The following PCDH15 variants were observed in gnomAD, a reference collection of about 807,000 sequenced individuals.
PCDH15 encodes protocadherin-15.
Under a neutral mutation model 178.5 loss-of-function variants are expected in PCDH15, and 129 were observed. The observed-to-expected ratio is 0.72, with a 90% CI of 0.63 to 0.84. The LOEUF (loss-of-function observed/expected upper bound fraction) is 0.84. Among genes scored for constraint, PCDH15 ranks in the 40% least tolerant of loss-of-function variants. The probability of loss-of-function intolerance (pLI) is 0.00; values close to 1 mark genes in which losing one functional copy is unlikely to be tolerated. For missense variants in PCDH15, 2,230 were observed against 2,099.9 expected (o/e 1.06, Z -1.21); for synonymous variants, 800 against 732.0 (o/e 1.09, Z -1.50).
intron 3 of PCDH15, among the ~76,000 whole-genome samples, chr10:54,881,742 T>C (rs1954266108): frequency 6.6e-6 from 1 of 152,122 alleles, no homozygotes; most frequent in South Asian, 2.1e-4. Flanking sequence ...AAAGATTACA[T>C]TGAATTAGAT....
At chr10:55,526,334 G>A (rs952708539) in intron 2 of PCDH15, among the ~76,000 whole-genome samples, 2 of 151,920 alleles carry the variant, frequency 1.3e-5, no homozygotes, top group Admixed American at 6.6e-5. Flanking sequence ...AACAGGATAT[G>A]CTTGATAAAT....
rs561820646 is a variant in PCDH15, at chr10:54,111,658, T to G, written c.1917+21217A>C. On this transcript the variant is annotated intron_variant, in intron 15 of 37. Coordinates refer to ENST00000644397, the MANE Select transcript of PCDH15 (RefSeq NM_001384140.1). ...ACATGCAGTATCAGTTGATTATCAC[T>G]TAGGAAACTGGAAAGAGTGTTTCTT... 3.9e-5 allele frequency among the ~76,000 whole-genome samples: 6 copies of G among 152,246 alleles called. No individual in the cohort carries two copies. The South Asian group carries it at 1.0e-3, about 26-fold the overall frequency.
chr10:53,989,710 C>T (rs920501635), intron 21 of PCDH15, among the ~76,000 whole-genome samples: 3 of 152,026 alleles, frequency 2.0e-5, no homozygotes, highest in African/African-American at 7.3e-5. Context: ...GTGTATATTC[C>T]CTCCTCATGC....
intron 1 of PCDH15, among the ~76,000 whole-genome samples, chr10:54,721,868 A>T (rs1591280556): frequency 6.6e-6 from 1 of 151,992 alleles, no homozygotes; most frequent in South Asian, 2.1e-4. Flanking sequence ...CTCTCTTTTA[A>T]CAAAAGTGGT....
intron 2 of PCDH15, among the ~76,000 whole-genome samples, chr10:55,385,698 T>TATATATATATATATATATATATATGC (rs1487726564): frequency 7.0e-6 from 1 of 143,502 alleles, no homozygotes; most frequent in Non-Finnish European, 1.5e-5. Flanking sequence ...TCTGCCTATA[T>TATATATATATATATATATATATATGC]ATATATATAT....
At position 54,782,871 on chromosome 10, in the gene PCDH15, G is replaced by A. The variant is rs534132363; in HGVS notation, c.-29+18054C>T. On this transcript the variant is annotated intron_variant, in intron 1 of 37. Coordinates refer to ENST00000644397, the MANE Select transcript of PCDH15 (RefSeq NM_001384140.1). ...CAAGACACTCACCCATACCACTGAT[G>A]TTAATTGAAGTCAGAGAAATCACAT... is the stretch of plus-strand genomic sequence containing the variant. Among the ~76,000 whole-genome samples, 11 of 152,162 alleles carry A rather than the reference G, an allele frequency of 7.2e-5. No individual in the cohort carries two copies. The East Asian group carries it at 1.9e-3, about 27-fold the overall frequency.
At chr10:55,187,917 A>G (rs1397497962) in intron 1 of PCDH15, among the ~76,000 whole-genome samples, 3 of 151,904 alleles carry the variant, frequency 2.0e-5, no homozygotes, top group Non-Finnish European at 4.4e-5. Flanking sequence ...TGACTACTTT[A>G]ATATTAGTGT....
chr10:53,806,777 AG>A lies in PCDH15; in HGVS notation c.5024del (p.Pro1675LeufsTer11). ...NARPTLVTFA[P>X]CPVGTDNTAV... ...CTGTATTGTCAGTCCCCACAGGGCA[AG>A]GGGCAAATGTAACCAGAGTTGGTCT... On this transcript the variant is annotated frameshift_variant, in exon 38 of 38. Transcript: ENST00000644397. LOFTEE classifies it high-confidence loss of function. 1 of 1,613,880 alleles carries A rather than the reference AG, an allele frequency of 6.2e-7. No homozygotes were observed. Among genetic ancestry groups the A allele is most frequent in the South Asian group, 1.1e-5 (1 of 91,080 alleles).
At chr10:54,517,015 G>T (rs2082301229) in intron 3 of PCDH15, among the ~76,000 whole-genome samples, 1 of 152,044 alleles carries the variant, frequency 6.6e-6, no homozygotes, top group Non-Finnish European at 1.5e-5. Flanking sequence ...AATGCTGAGA[G>T]ATTTTGTCAC....
intron 22 of PCDH15, among the ~76,000 whole-genome samples, chr10:53,961,414 G>A (rs1256830946): frequency 6.6e-6 from 1 of 151,908 alleles, no homozygotes; most frequent in Non-Finnish European, 1.5e-5. Context: ...TAGTATTAAT[G>A]TCACTTATTG....
At chr10:54,091,852 T>C (rs1469155228) in intron 15 of PCDH15, among the ~76,000 whole-genome samples, 1 of 152,148 alleles carries the variant, frequency 6.6e-6, no homozygotes, top group African/African-American at 2.4e-5. Flanking sequence ...GTCCTTGAAC[T>C]TCACTTATTT....
chr10:53,924,236 G>T (rs951256267), intron 25 of PCDH15, among the ~76,000 whole-genome samples: 1 of 152,228 alleles, frequency 6.6e-6, no homozygotes, highest in Admixed American at 6.5e-5. Context: ...GCCAGCGTGA[G>T]TTCCGGTGGG....
chr10:54,430,351 G>A (rs1019159368), intron 3 of PCDH15, among the ~76,000 whole-genome samples: 3 of 151,832 alleles, frequency 2.0e-5, no homozygotes, highest in Admixed American at 1.3e-4. Flanking sequence ...CACCACACCC[G>A]GCCAAAATAC....
At position 55,398,455 on chromosome 10, in the gene PCDH15, G is replaced by A. The variant is rs146305830; in HGVS notation, c.-156+229170C>T. Among the ~76,000 whole-genome samples, 3 of 152,064 alleles carry A rather than the reference G, an allele frequency of 2.0e-5. No individual in the cohort carries two copies. The East Asian group carries it at 5.8e-4, about 29-fold the overall frequency. ...AAGTATTAAGTTCTATGAGGATGAG[G>A]CATTTTCATATCCTGTTGCTAGTTG... On this transcript the variant is annotated intron_variant, in intron 2 of 5. Transcript: ENST00000613346.
At chr10:53,982,020 G>T (rs896525204) in intron 21 of PCDH15, among the ~76,000 whole-genome samples, 1 of 152,162 alleles carries the variant, frequency 6.6e-6, no homozygotes, top group African/African-American at 2.4e-5. Flanking sequence ...GATATGAACA[G>T]ACACTTTTCA....
chr10:54,494,695 G>A (rs2079942667), intron 3 of PCDH15, among the ~76,000 whole-genome samples: 1 of 152,000 alleles, frequency 6.6e-6, no homozygotes, highest in African/African-American at 2.4e-5. Flanking sequence ...CAGATATTAT[G>A]GTCATAGTTT....
chr10:54,214,506 TAA>T (rs1445799361), intron 9 of PCDH15, among the ~76,000 whole-genome samples: 1 of 152,238 alleles, frequency 6.6e-6, no homozygotes, highest in Non-Finnish European at 1.5e-5. Context: ...TATTATTTCT[TAA>T]GATTAATATC....
chr10:54,788,176 C>T (rs578154802), intron 1 of PCDH15, among the ~76,000 whole-genome samples: 58 of 151,816 alleles, frequency 3.8e-4, no homozygotes, highest in Admixed American at 9.9e-4. Flanking sequence ...ATTTGAAATA[C>T]GAGCAGAAAC....
chr10:54,870,943 A>C (rs1954028625), intron 3 of PCDH15, among the ~76,000 whole-genome samples: 1 of 152,172 alleles, frequency 6.6e-6, no homozygotes, highest in Non-Finnish European at 1.5e-5. Context: ...GCTAAAGTAT[A>C]ATTTTGAAAA....
Sources: allele counts gnomAD v4.1 joint callset (sites outside exome capture counted in the v4.1 genomes callset), GRCh38; gene constraint gnomAD v4.1.1; transcripts MANE v1.5; gene names NCBI Gene and HGNC (gene_info 2026-07-23, HGNC 2026-07-21).